TRAF7: variants seen among roughly 807,000 people sequenced by gnomAD.
TRAF7 encodes the protein E3 ubiquitin-protein ligase TRAF7.
TRAF7 carries 45 observed loss-of-function variants against 89.3 expected under a neutral mutation model. The ratio of observed to expected loss-of-function variants is 0.50; its 90% CI spans 0.40 to 0.65. The LOEUF (loss-of-function observed/expected upper bound fraction) is 0.65. TRAF7 is among the 30% of genes least tolerant of loss of function. TRAF7 has a pLI of 0.00. For missense variants in TRAF7, 677 were observed against 918.1 expected, an observed-to-expected ratio of 0.74 and a Z score of 3.39; for synonymous variants, 406 against 369.2, an observed-to-expected ratio of 1.10 and a Z score of -1.14.
chr16:2,166,370 C>T (rs989414783), intron 3 of TRAF7, among the ~76,000 whole-genome samples: 1 of 152,124 alleles, frequency 6.6e-6, no homozygotes, highest in Non-Finnish European at 1.5e-5. Context: ...GCAGTTGTGA[C>T]ATGTTAATAG....
chr16:2,176,619 C>T lies in TRAF7; in HGVS notation c.*45C>T, dbSNP rs370672855. 2 of 1,612,972 alleles carry T rather than the reference C, an allele frequency of 1.2e-6. No individual in the cohort carries two copies. The highest frequency in any genetic ancestry group is 1.7e-6 in the Non-Finnish European group (2 of 1,179,936). ...TGGTTTCCCCTGAACCAGCCCTGGA[C>T]CTTTCTGAGCCAGGCTGGCCACATG... On this transcript the variant is annotated 3_prime_UTR_variant, in exon 21 of 21. Coordinates refer to ENST00000326181, the MANE Select transcript of TRAF7 (RefSeq NM_032271.3).
At position 2,171,383 on chromosome 16, in the gene TRAF7, C is replaced by G. The variant is rs200789576; in HGVS notation, c.441+27C>G. ...TGAGCCCGCCGCCCTTCCCAGCCCC[C>G]CTGCTGCCAGAGGCCCCCACAGGAC... On this transcript the variant is annotated intron_variant, in intron 6 of 20. Coordinates refer to ENST00000326181, the MANE Select transcript of TRAF7 (RefSeq NM_032271.3). 1,644 of 1,543,684 alleles carry G rather than the reference C, an allele frequency of 1.1e-3. 2 individuals carry two copies. Among genetic ancestry groups the G allele is most frequent in the South Asian group, 1.6e-3 (134 of 84,334 alleles).
At position 2,162,989 on chromosome 16, in the gene TRAF7, C is replaced by G. The variant is rs2093063722; in HGVS notation, c.-38-894C>G. Among the ~76,000 whole-genome samples, 1 of 151,158 alleles carries G rather than the reference C, an allele frequency of 6.6e-6. No homozygotes were observed. The highest frequency in any genetic ancestry group is 1.5e-5 in the Non-Finnish European group (1 of 67,788). On this transcript the variant is annotated intron_variant, in intron 1 of 20. Transcript: ENST00000326181. The surrounding 1 kb of genome is among the most constrained non-coding windows in gnomAD (Gnocchi z 5.0). ...TGCCTCACGGGGGGAGAGTGGGCGT[C>G]ATCCAGCATGGACAGCCCCTTCCCC...
rs2093061976 is a variant in TRAF7 at position 2,162,529 on chromosome 16, C to G, written c.-38-1354C>G. Among the ~76,000 whole-genome samples, 2 of 152,104 alleles carry G rather than the reference C, an allele frequency of 1.3e-5. No homozygotes were observed. The highest frequency in any genetic ancestry group is 2.9e-5 in the Non-Finnish European group (2 of 67,984). On this transcript the variant is annotated intron_variant, in intron 1 of 20. Coordinates refer to ENST00000326181, the MANE Select transcript of TRAF7 (RefSeq NM_032271.3). This position sits in a 1 kb window ranked among gnomAD's most constrained non-coding sequence, Gnocchi z 5.0. ...GCTCCTGCTGGGTGGGGGCAGAGAC[C>G]AGCTCCGCCACTTTGGCCTGGGACT... is the stretch of plus-strand genomic sequence containing the variant.
Position 2,177,767 on chromosome 16 carries a change from G to A in TRAF7, c.*1193G>A. On this transcript the variant is annotated 3_prime_UTR_variant, in exon 21 of 21. Coordinates refer to ENST00000326181, the MANE Select transcript of TRAF7 (RefSeq NM_032271.3). Reference sequence around the variant, plus strand: ...CGCGCCCTGGGACGCAGCCACGCCAGGAGGAGGACACGGCCGCCGAGAGCA... The same window carrying A: ...CGCGCCCTGGGACGCAGCCACGCCAAGAGGAGGACACGGCCGCCGAGAGCA... 1 of 244,374 alleles carries A rather than the reference G, an allele frequency of 4.1e-6. No individual in the cohort carries two copies. The highest frequency in any genetic ancestry group is 8.1e-6 in the Non-Finnish European group (1 of 124,032). The allele number at this position is 244,374 out of a possible 1,614,324, so 15.1% of individuals were successfully genotyped here.
In TRAF7 at chr16:2,158,703, C is replaced by A. The variant is rs931515111; in HGVS notation, c.-39+2845C>A. The stretch of plus-strand genomic sequence containing the variant: ...GCAGGGCAGAAGGAAGGAGGGAGCC[C>A]GGGAGACCGAGCCACACAGGAAGCA... On this transcript the variant is annotated intron_variant, in intron 1 of 20. Coordinates refer to ENST00000326181, the MANE Select transcript of TRAF7 (RefSeq NM_032271.3). The surrounding 1 kb of genome is among the most constrained non-coding windows in gnomAD (Gnocchi z 4.7). Among the ~76,000 whole-genome samples the A allele has an allele frequency of 1.4e-5, 2 of 138,628 alleles. No individual in the cohort carries two copies. The highest frequency in any genetic ancestry group is 4.6e-4 in the East Asian group (2 of 4,372). 90.9% of individuals were successfully genotyped at this position (138,628 alleles called of 152,430 possible). A position where few individuals can be genotyped will look rare whatever the true frequency, so the allele number is the denominator to read the frequency against.
Position 2,171,370 on chromosome 16 carries a change from C to T in TRAF7, c.441+14C>T, listed in dbSNP as rs1177279945. 2 of 1,546,054 alleles carry T rather than the reference C, an allele frequency of 1.3e-6. No homozygotes were observed. Among genetic ancestry groups the T allele is most frequent in the African/African-American group, 1.4e-5 (1 of 73,190 alleles). On this transcript the variant is annotated intron_variant, in intron 6 of 20. Coordinates refer to ENST00000326181, the MANE Select transcript of TRAF7 (RefSeq NM_032271.3). ...ACCACGTGTGGGGTGAGCCCGCCGC[C>T]CTTCCCAGCCCCCCTGCTGCCAGAG...
chr16:2,170,587 C>T (rs757866955), intron 4 of TRAF7, 27 bp from the exon 5 acceptor site: 27 of 1,589,674 alleles, frequency 1.7e-5, no homozygotes, highest in East Asian at 4.6e-5. Context: ...GCGGAGCCCC[C>T]CGACAGGCGC....
At chr16:2,156,019 A>G (rs115038582) in intron 1 of TRAF7, among the ~76,000 whole-genome samples, 161 bp downstream of exon 1, 4,835 of 148,244 alleles carry the variant, frequency 0.033, 112 homozygotes, top group African/African-American at 0.06. Flanking sequence ...GGTCGGGGTC[A>G]GGGTCGGGGT....
chr16:2,177,053 A>C lies in TRAF7; in HGVS notation c.*479A>C. On this transcript the variant is annotated 3_prime_UTR_variant, in exon 21 of 21. Transcript: ENST00000326181. ...GGCATGGGGCAGTTTCCTTTGGTGG[A>C]CCCCAGGACTTCGGCCCACTCCGGG... 3.4e-6 allele frequency: 1 copy of C among 292,252 alleles called. No homozygotes were observed. Among genetic ancestry groups the C allele is most frequent in the Admixed American group, 4.7e-5 (1 of 21,446 alleles). 18.1% of individuals were successfully genotyped at this position (292,252 alleles called of 1,614,324 possible). A position where few individuals can be genotyped will look rare whatever the true frequency, so the allele number is the denominator to read the frequency against.
chr16:2,164,151 T>TGTGTGTGTGCGC, intron 2 of TRAF7, 150 bp downstream of exon 2: 1 of 559,518 alleles, frequency 1.8e-6, no homozygotes. Context: ...TGTGTGTGTG[T>TGTGTGTGTGCGC]GTGTGTGTGC....
rs867926696 is a variant in TRAF7 at position 2,158,867 on chromosome 16, C to T, written c.-39+3009C>T. Among the ~76,000 whole-genome samples the T allele has an allele frequency of 1.3e-5, 2 of 151,448 alleles. No homozygotes were observed. The highest frequency in any genetic ancestry group is 2.0e-4 in the East Asian group (1 of 5,108). On this transcript the variant is annotated intron_variant, in intron 1 of 20. Coordinates refer to ENST00000326181, the MANE Select transcript of TRAF7 (RefSeq NM_032271.3). This position sits in a 1 kb window ranked among gnomAD's most constrained non-coding sequence, Gnocchi z 4.7. ...ACTTGACTTGGGTGAGAGCCAGGAA[C>T]GCACTCCCCAGCCCAGAGCTGTGAA... is the stretch of plus-strand genomic sequence containing the variant.
rs2141300614 is a variant in TRAF7 at position 2,176,860 on chromosome 16, T to C, written c.*286T>C. The C allele has an allele frequency of 1.7e-6, 1 of 578,708 alleles. No homozygotes were observed. Among genetic ancestry groups the C allele is most frequent in the South Asian group, 2.0e-5 (1 of 49,882 alleles). 35.8% of individuals were successfully genotyped at this position (578,708 alleles called of 1,614,324 possible). A position where few individuals can be genotyped will look rare whatever the true frequency, so the allele number is the denominator to read the frequency against. ...ACCCTAGATGGAGCGAGGGCCTTTT[T>C]ACTCACCTTTTCTACCGTTTTTAGA... On this transcript the variant is annotated 3_prime_UTR_variant, in exon 21 of 21. Transcript: ENST00000326181.
At chr16:2,170,773 C>T (rs968647599) in intron 5 of TRAF7, 43 bp downstream of exon 5, 5 of 1,529,232 alleles carry the variant, frequency 3.3e-6, no homozygotes, top group South Asian at 2.4e-5. Flanking sequence ...CCAGGGCTGT[C>T]ACCGCAGCCG....
In TRAF7 at chr16:2,172,305, G is replaced by T. The variant is rs755736603; in HGVS notation, c.590G>T (p.Ser197Ile). The change falls in exon 8 of 21, where the codon AGC becomes ATC. Residue 197 changes from serine (S) to isoleucine (I), a missense_variant. By Grantham distance (142) the Ser-to-Ile change is moderately radical (BLOSUM62 -2). This residue lies in a region of TRAF7 where 238 missense variants were observed against 352.6 expected (regional missense o/e 0.67). Coordinates refer to ENST00000326181, the MANE Select transcript of TRAF7 (RefSeq NM_032271.3). Reference sequence around the variant, plus strand: ...CGGCACGGCTGCCGGGTAGCGGGCAGCGGGAAGCCCCCCATCTTTGAGGTG... The same window carrying T: ...CGGCACGGCTGCCGGGTAGCGGGCATCGGGAAGCCCCCCATCTTTGAGGTG... ...HCRHGCRVAGSGKPPIFEVDP... is the reference protein window; with the variant it reads ...HCRHGCRVAGIGKPPIFEVDP... The T allele has an allele frequency of 6.2e-7, 1 of 1,612,626 alleles. No homozygotes were observed. Among genetic ancestry groups the T allele is most frequent in the African/African-American group, 1.3e-5 (1 of 74,938 alleles).
chr16:2,165,744 C>G, intron 2 of TRAF7, 135 bp from the exon 3 acceptor site: 1 of 959,500 alleles, frequency 1.0e-6, no homozygotes, highest in South Asian at 1.5e-5. Flanking sequence ...CGTGGCGTGG[C>G]CTGGTCGCAT....
rs2093093245 is a variant in TRAF7 at position 2,168,010 on chromosome 16, TG to T, written c.140-64del. 3.4e-6 allele frequency: 5 copies of T among 1,489,114 alleles called. No homozygotes were observed. The highest frequency in any genetic ancestry group is 1.7e-5 in the Admixed American group (1 of 58,878). The allele number at this position is 1,489,114 out of a possible 1,614,324, so 92.2% of individuals were successfully genotyped here. On this transcript the variant is annotated intron_variant, in intron 3 of 20. Transcript: ENST00000326181. This position sits in a 1 kb window ranked among gnomAD's most constrained non-coding sequence, Gnocchi z 4.1. ...GACCCACAGGGTCGGGTATCCAGCATGGGCCCCACCTCCCCCACATCTGCTG... is the reference window on the plus strand; with the variant it reads ...GACCCACAGGGTCGGGTATCCAGCATGGCCCCACCTCCCCCACATCTGCTG...
intron 2 of TRAF7, among the ~76,000 whole-genome samples, chr16:2,164,273 T>A (rs1036220811): frequency 6.7e-6 from 1 of 148,722 alleles, no homozygotes; most frequent in African/African-American, 2.5e-5. Context: ...CGCGGCCTGG[T>A]CGCATGGTTA....
rs2093060971 is a variant in TRAF7 at position 2,162,262 on chromosome 16, C to T, written c.-38-1621C>T. On this transcript the variant is annotated intron_variant, in intron 1 of 20. Transcript: ENST00000326181. This position sits in a 1 kb window ranked among gnomAD's most constrained non-coding sequence, Gnocchi z 5.0. ...GCCTAGAGAATGGGAGAGGAGACAG[C>T]AGGAGTGGTAGACAGCCCAGGAGCT... Among the ~76,000 whole-genome samples the T allele has an allele frequency of 6.6e-6, 1 of 152,092 alleles. No individual in the cohort carries two copies. Among genetic ancestry groups the T allele is most frequent in the South Asian group, 2.1e-4 (1 of 4,826 alleles).
Sources: allele counts gnomAD v4.1 joint callset (sites outside exome capture counted in the v4.1 genomes callset), GRCh38; gene constraint gnomAD v4.1.1; regional missense constraint gnomAD v4.1.1; non-coding constraint Gnocchi (gnomAD v3.1); transcripts MANE v1.5; gene names NCBI Gene and HGNC (gene_info 2026-07-23, HGNC 2026-07-21).